The following SYT14 variants were observed in gnomAD, a reference collection of about 807,000 sequenced individuals.
SYT14 encodes the protein synaptotagmin 14.
SYT14 carries 32 observed loss-of-function variants against 74.2 expected under a neutral mutation model. The ratio of observed to expected loss-of-function variants is 0.43; its 90% CI spans 0.33 to 0.58. The LOEUF (loss-of-function observed/expected upper bound fraction) is 0.58, where lower values mean the gene tolerates loss of function less well. Ranked by LOEUF, SYT14 falls within the 20% of genes least tolerant of loss-of-function variation. The probability of loss-of-function intolerance (pLI) is 0.05; values close to 1 mark genes in which losing one functional copy is unlikely to be tolerated. For synonymous variants in SYT14, 298 were observed against 337.7 expected (o/e 0.88, Z 1.29); for missense variants, 791 against 981.8 (o/e 0.81, Z 2.60).
chr1:210,165,896 A>G (rs2083450238), exon 10 of SYT14: 1 of 152,230 alleles, frequency 6.6e-6, no homozygotes, highest in East Asian at 1.9e-4. Context: ...TTCAGTTAAT[A>G]TATATTTAAG....
chr1:209,971,296 G>A (rs991084538), intron 2 of SYT14, among the ~76,000 whole-genome samples: 1 of 151,992 alleles, frequency 6.6e-6, no homozygotes, highest in Non-Finnish European at 1.5e-5. Flanking sequence ...GAGTCTTTAG[G>A]GTTTTCTCGG....
Position 209,995,124 on chromosome 1 carries a change from A to G in SYT14, c.-485-18509A>G, listed in dbSNP as rs552226971. Among the ~76,000 whole-genome samples the G allele has an allele frequency of 5.1e-4, 78 of 152,336 alleles. 2 individuals carry two copies. The South Asian group carries it at 0.016, about 31-fold the overall frequency. On this transcript the variant is annotated intron_variant, in intron 2 of 9. Transcript: ENST00000637265. ...AACCAGCTAACAAGATGATGACAAG[A>G]TGAAAATCATACATATCAATACTAA...
chr1:210,101,597 C>G (rs141357633), intron 7 of SYT14, among the ~76,000 whole-genome samples: 1 of 151,276 alleles, frequency 6.6e-6, no homozygotes, highest in Non-Finnish European at 1.5e-5. Context: ...AACTTGTTAT[C>G]CTTTTAAATT....
intron 2 of SYT14, among the ~76,000 whole-genome samples, chr1:209,961,909 T>C (rs530378566): frequency 6.6e-6 from 1 of 152,240 alleles, no homozygotes; most frequent in African/African-American, 2.4e-5. Flanking sequence ...AGGAAACAGT[T>C]TGCTGATCTC....
chr1:210,136,418 A>G (rs897475879), intron 7 of SYT14, among the ~76,000 whole-genome samples: 1 of 152,198 alleles, frequency 6.6e-6, no homozygotes, highest in African/African-American at 2.4e-5. Context: ...ATGGAAAAAT[A>G]AATTTACCCG....
chr1:209,974,801 G>A (rs962984669), intron 2 of SYT14, among the ~76,000 whole-genome samples: 1 of 152,136 alleles, frequency 6.6e-6, no homozygotes, highest in Non-Finnish European at 1.5e-5. Flanking sequence ...ATTACCTTGG[G>A]CAATTTGGCC....
At chr1:210,049,250 C>T (rs548614793) in intron 5 of SYT14, among the ~76,000 whole-genome samples, 18 of 152,244 alleles carry the variant, frequency 1.2e-4, no homozygotes, top group African/African-American at 3.4e-4. Flanking sequence ...GTGGGTGCTT[C>T]GACCCCACAT....
intron 5 of SYT14, among the ~76,000 whole-genome samples, chr1:210,033,080 CTG>C (rs1452455722): frequency 6.6e-6 from 1 of 151,826 alleles, no homozygotes; most frequent in Non-Finnish European, 1.5e-5. Context: ...AAAACCTACA[CTG>C]AAATGTTCAG....
chr1:209,986,068 G>T (rs964258379), intron 2 of SYT14, among the ~76,000 whole-genome samples: 2 of 152,110 alleles, frequency 1.3e-5, no homozygotes, highest in African/African-American at 2.4e-5. Flanking sequence ...TTAGTACTTG[G>T]CTCCTTTTTA....
chr1:210,035,342 A>C (rs1052736270), intron 5 of SYT14, among the ~76,000 whole-genome samples: 6 of 151,824 alleles, frequency 4.0e-5, no homozygotes, highest in Non-Finnish European at 7.4e-5. Context: ...ATAGTTTGGA[A>C]ATATTTTCTC....
intron 5 of SYT14, among the ~76,000 whole-genome samples, chr1:210,034,839 T>C (rs911049259): frequency 6.6e-6 from 1 of 151,914 alleles, no homozygotes; most frequent in East Asian, 1.9e-4. Context: ...TATTCCCTGG[T>C]ATGTGTAAAC....
chr1:210,136,176 A>G (rs1209635264), intron 7 of SYT14, among the ~76,000 whole-genome samples: 2 of 152,182 alleles, frequency 1.3e-5, no homozygotes, highest in Non-Finnish European at 2.9e-5. Context: ...TTACAATGGT[A>G]AGAAAGAAGG....
At chr1:210,006,288 G>A (rs930461225) in intron 2 of SYT14, among the ~76,000 whole-genome samples, 5 of 151,618 alleles carry the variant, frequency 3.3e-5, no homozygotes, top group South Asian at 2.1e-4. Context: ...AATGTAATAC[G>A]AAAATTTGAG....
intron 5 of SYT14, among the ~76,000 whole-genome samples, chr1:210,026,186 C>T (rs976858948): frequency 2.6e-5 from 4 of 151,648 alleles, no homozygotes; most frequent in Admixed American, 6.6e-5. Flanking sequence ...TCCTTTTGTT[C>T]ACAGTTTTAA....
intron 7 of SYT14, among the ~76,000 whole-genome samples, chr1:210,149,095 TAATTA>T (rs1329018296): frequency 2.0e-5 from 3 of 151,850 alleles, no homozygotes; most frequent in African/African-American, 4.8e-5. Flanking sequence ...GCAGAAATGC[TAATTA>T]AATATGTTCA....
intron 2 of SYT14, among the ~76,000 whole-genome samples, chr1:210,012,420 T>C (rs2080102231): frequency 1.3e-5 from 2 of 152,192 alleles, no homozygotes; most frequent in African/African-American, 4.8e-5. Flanking sequence ...ATGAGTAGGA[T>C]ACAGTAGAGA....
intron 2 of SYT14, among the ~76,000 whole-genome samples, chr1:209,995,273 G>A (rs1470768826): frequency 6.6e-6 from 1 of 152,116 alleles, no homozygotes; most frequent in African/African-American, 2.4e-5. Context: ...ACACCTGTAG[G>A]CGCAAAGGAA....
intron 5 of SYT14, among the ~76,000 whole-genome samples, chr1:210,090,368 T>TG (rs1344910223): frequency 8.1e-6 from 1 of 124,006 alleles, no homozygotes; most frequent in Non-Finnish European, 1.5e-5. Context: ...CACAGGCACT[T>TG]GAAAAAAAAA....
chr1:210,075,244 G>T (rs1324547577), intron 5 of SYT14, among the ~76,000 whole-genome samples: 1 of 152,032 alleles, frequency 6.6e-6, no homozygotes, highest in African/African-American at 2.4e-5. Context: ...TGCTCCCCTC[G>T]ATGTCCTCTC....
Sources: gnomAD v4.1 joint callset for allele counts (sites outside exome capture counted in the v4.1 genomes callset) on GRCh38, gnomAD v4.1.1 for gene constraint, MANE v1.5 for transcripts, NCBI Gene and HGNC (gene_info 2026-07-23, HGNC 2026-07-21) for gene names.